Variants in CHRM3 observed in about 807,000 individuals in gnomAD.
The protein encoded by CHRM3 is muscarinic acetylcholine receptor M3.
In CHRM3, 11 loss-of-function variants were observed where a neutral mutation model predicts 41.8. The observed-to-expected ratio is 0.26, with a 90% CI of 0.17 to 0.44. The LOEUF is 0.44. Ranked by LOEUF, CHRM3 falls within the 20% of genes least tolerant of loss-of-function variation. The probability of loss-of-function intolerance (pLI) is 1.00; values close to 1 mark genes in which losing one functional copy is unlikely to be tolerated. For synonymous variants in CHRM3, 297 were observed against 301.4 expected (o/e 0.99, Z 0.15); for missense variants, 571 against 745.4 (o/e 0.77, Z 2.72).
At chr1:239,464,983 C>T (rs1296460717) in intron 1 of CHRM3, among the ~76,000 whole-genome samples, 1 of 152,070 alleles carries the variant, frequency 6.6e-6, no homozygotes, top group Non-Finnish European at 1.5e-5. Flanking sequence ...AGAGATGAGC[C>T]AAAGTCTCTC....
chr1:239,559,961 G>A (rs892050142), intron 3 of CHRM3, among the ~76,000 whole-genome samples: 1 of 152,100 alleles, frequency 6.6e-6, no homozygotes, highest in South Asian at 2.1e-4. Context: ...ATGTCACATT[G>A]CAATTTTTCA....
At chr1:239,501,798 T>C (rs1668257018) in intron 2 of CHRM3, among the ~76,000 whole-genome samples, 1 of 151,994 alleles carries the variant, frequency 6.6e-6, no homozygotes, top group Non-Finnish European at 1.5e-5. Context: ...GAGCTTGCAG[T>C]GAGCTGAGAT....
intron 5 of CHRM3, among the ~76,000 whole-genome samples, chr1:239,816,540 C>T (rs1671600756): frequency 6.6e-6 from 1 of 152,044 alleles, no homozygotes; most frequent in Non-Finnish European, 1.5e-5. Context: ...ATAACAAGCT[C>T]AGAATGTTGC....
At position 239,458,178 on chromosome 1, in the gene CHRM3, G is replaced by A. The variant is rs550828334; in HGVS notation, c.-520-34531G>A. Among the ~76,000 whole-genome samples the A allele has an allele frequency of 2.6e-5, 4 of 152,312 alleles. No individual in the cohort carries two copies. In the South Asian group the frequency reaches 8.3e-4, roughly 32 times the overall value. On this transcript the variant is annotated intron_variant, in intron 1 of 6. Coordinates refer to ENST00000676153, the MANE Select transcript of CHRM3 (RefSeq NM_001375978.1). ...AAGAGTAGAATGTATGGTATGTTAGGTGGTGGCAAACGTTATCAAGAAAAA... is the reference window on the plus strand; with the variant it reads ...AAGAGTAGAATGTATGGTATGTTAGATGGTGGCAAACGTTATCAAGAAAAA...
At chr1:239,700,034 C>A (rs532585513) in intron 5 of CHRM3, among the ~76,000 whole-genome samples, 16 of 152,086 alleles carry the variant, frequency 1.1e-4, no homozygotes, top group Admixed American at 3.3e-4. Context: ...AAAAAGAAAC[C>A]TGAATTCCTA....
At chr1:239,641,684 A>AAT (rs1671170276) in intron 4 of CHRM3, among the ~76,000 whole-genome samples, 1 of 145,806 alleles carries the variant, frequency 6.9e-6, no homozygotes, top group South Asian at 2.2e-4. Context: ...GGGTTTCCTG[A>AAT]ATACAGCACA....
Position 239,541,634 on chromosome 1 carries a change from C to T in CHRM3, c.-421-4007C>T, listed in dbSNP as rs187117012. Reference sequence around the variant, plus strand: ...TCAGGTGATCCTTCCACCTCAGCCTCCCAAGTAGCTGGGACTACAGGCGTG... The same window carrying T: ...TCAGGTGATCCTTCCACCTCAGCCTTCCAAGTAGCTGGGACTACAGGCGTG... On this transcript the variant is annotated intron_variant, in intron 2 of 6. Transcript: ENST00000676153. Among the ~76,000 whole-genome samples the T allele has an allele frequency of 8.6e-3, 1,304 of 152,230 alleles. 11 individuals are homozygous for T. Among genetic ancestry groups the T allele is most frequent in the Non-Finnish European group, 0.013 (916 of 68,018 alleles).
At chr1:239,396,070 C>T (rs573665532) in intron 1 of CHRM3, among the ~76,000 whole-genome samples, 1 of 152,162 alleles carries the variant, frequency 6.6e-6, no homozygotes, top group African/African-American at 2.4e-5. Context: ...GCATAGGATG[C>T]CCTTTGTGCC....
At chr1:239,590,364 G>C (rs775514576) in intron 3 of CHRM3, among the ~76,000 whole-genome samples, 2 of 152,082 alleles carry the variant, frequency 1.3e-5, no homozygotes, top group Non-Finnish European at 2.9e-5. Context: ...CATGTCCTTA[G>C]AGACTTTATA....
chr1:239,537,201 C>T (rs980684850), intron 2 of CHRM3, among the ~76,000 whole-genome samples: 8 of 152,110 alleles, frequency 5.3e-5, no homozygotes, highest in African/African-American at 1.7e-4. Context: ...AATGGTACAT[C>T]GTCCTGTGTT....
At chr1:239,823,585 C>T (rs1672220593) in intron 5 of CHRM3, among the ~76,000 whole-genome samples, 1 of 151,946 alleles carries the variant, frequency 6.6e-6, no homozygotes, top group African/African-American at 2.4e-5. Context: ...ATATTACTGT[C>T]GACTCTCTAA....
chr1:239,422,041 A>C (rs1015417465), intron 1 of CHRM3, among the ~76,000 whole-genome samples: 1 of 152,216 alleles, frequency 6.6e-6, no homozygotes, highest in Non-Finnish European at 1.5e-5. Flanking sequence ...AATGAGGGCC[A>C]TGGGACCTGT....
chr1:239,829,404 A>ATT (rs71168854), intron 6 of CHRM3, among the ~76,000 whole-genome samples: 117 of 149,196 alleles, frequency 7.8e-4, no homozygotes, highest in South Asian at 5.1e-3. Context: ...GGACTGAATG[A>ATT]TTTTTTTTTT....
chr1:239,833,816 C>T (rs539094182), intron 6 of CHRM3, among the ~76,000 whole-genome samples: 2 of 152,226 alleles, frequency 1.3e-5, no homozygotes, highest in African/African-American at 4.8e-5. Context: ...GGAAAGTGTT[C>T]AAATCAAAGC....
intron 6 of CHRM3, among the ~76,000 whole-genome samples, chr1:239,889,545 T>C (rs1248267532): frequency 1.3e-5 from 2 of 152,178 alleles, no homozygotes; most frequent in African/African-American, 4.8e-5. Context: ...CAGGCTGCTT[T>C]TTATTAGAAA....
At chr1:239,852,137 G>A (rs1316187581) in intron 6 of CHRM3, among the ~76,000 whole-genome samples, 1 of 152,102 alleles carries the variant, frequency 6.6e-6, no homozygotes, top group African/African-American at 2.4e-5. Context: ...TATTTACACT[G>A]AATTTGTTGA....
At chr1:239,477,433 A>G (rs971660193) in intron 1 of CHRM3, among the ~76,000 whole-genome samples, 1 of 152,224 alleles carries the variant, frequency 6.6e-6, no homozygotes, top group African/African-American at 2.4e-5. Context: ...AAGACCTGGC[A>G]AAGCAAAGAC....
At chr1:239,611,977 A>G (rs764594066) in intron 3 of CHRM3, among the ~76,000 whole-genome samples, 3 of 152,218 alleles carry the variant, frequency 2.0e-5, no homozygotes, top group Non-Finnish European at 2.9e-5. Flanking sequence ...GTTTATGTAC[A>G]TAGACTCATT....
At chr1:239,701,111 A>G (rs1264069736) in intron 5 of CHRM3, among the ~76,000 whole-genome samples, 1 of 152,166 alleles carries the variant, frequency 6.6e-6, no homozygotes, top group Non-Finnish European at 1.5e-5. Flanking sequence ...TTTCTGACTG[A>G]TTGGCAATCC....
Sources: gnomAD v4.1 joint callset for allele counts (sites outside exome capture counted in the v4.1 genomes callset) on GRCh38, gnomAD v4.1.1 for gene constraint, MANE v1.5 for transcripts, NCBI Gene and HGNC (gene_info 2026-07-23, HGNC 2026-07-21) for gene names.